RPL15: variants seen among roughly 807,000 people sequenced by gnomAD.
The protein encoded by RPL15 is ribosomal protein L15.
For synonymous variants in RPL15, 97 were observed against 95.1 expected (o/e 1.02, Z -0.12); for missense variants, 161 against 271.8 (o/e 0.59, Z 2.87).
rs187233990 is a variant in RPL15, at chr3:23,920,026, C to T, written c.*525C>T. ...AAGGTGAAAGCTCCTGGTTCAGTGC[C>T]ATGGCTTCATGGCATTCAGTGATTA... On this transcript the variant is annotated 3_prime_UTR_variant, in exon 4 of 4. Coordinates refer to ENST00000307839, the MANE Select transcript of RPL15 (RefSeq NM_002948.5). The T allele has an allele frequency of 1.0e-6, 1 of 986,270 alleles. No individual in the cohort carries two copies. The highest frequency in any genetic ancestry group is 1.1e-4 in the East Asian group (1 of 8,814). 61.1% of individuals were successfully genotyped at this position (986,270 alleles called of 1,614,324 possible).
rs1704971233 is a variant in RPL15, at chr3:23,919,804, C to A, written c.*303C>A. On this transcript the variant is annotated 3_prime_UTR_variant, in exon 4 of 4. Transcript: ENST00000307839. ...TAAAAGGAGAGAACTGAAACTAGCC[C>A]TGTAGATTTGTCTGGTGCATGTGAT... 3 of 1,071,248 alleles carry A rather than the reference C, an allele frequency of 2.8e-6. No homozygotes were observed. Among genetic ancestry groups the A allele is most frequent in the Non-Finnish European group, 3.4e-6 (3 of 885,384 alleles). 66.4% of individuals were successfully genotyped at this position (1,071,248 alleles called of 1,614,324 possible).
downstream of RPL15, among the ~76,000 whole-genome samples, chr3:23,921,427 C>T (rs972376539): frequency 3.3e-5 from 5 of 152,188 alleles, no homozygotes; most frequent in African/African-American, 1.2e-4. Context: ...CAAACACTTC[C>T]TAATGCCTTT....
At chr3:23,918,694 G>C in intron 3 of RPL15, 118 bp downstream of exon 3, 1 of 1,258,834 alleles carries the variant, frequency 7.9e-7, no homozygotes, top group Admixed American at 2.5e-5. Context: ...AACAGGGTTT[G>C]TGATTTTTAC....
At position 23,920,316 on chromosome 3, in the gene RPL15, A is replaced by G. The variant is rs1225484280; in HGVS notation, c.*815A>G. On this transcript the variant is annotated 3_prime_UTR_variant, in exon 4 of 4. Coordinates refer to ENST00000307839, the MANE Select transcript of RPL15 (RefSeq NM_002948.5). ...CGTCATTCTTAGTCCAGTCAGTCTT[A>G]AAAACATCTTGGGTTACCCACTCTG... The G allele has an allele frequency of 5.1e-6, 5 of 985,396 alleles. No individual in the cohort carries two copies. Among genetic ancestry groups the G allele is most frequent in the South Asian group, 9.4e-5 (2 of 21,288 alleles). The allele number at this position is 985,396 out of a possible 1,614,324, so 61.0% of individuals were successfully genotyped here.
Position 23,918,431 on chromosome 3 carries a change from T to G in RPL15, c.173-9T>G. The G allele has an allele frequency of 6.2e-7, 1 of 1,611,254 alleles. No homozygotes were observed. The highest frequency in any genetic ancestry group is 1.1e-5 in the South Asian group (1 of 90,810). ...TAAAATCACTAATTTCGTGTGTGTTTGTGTGTAGGTTACGTTATATATAGG... is the reference window on the plus strand; with the variant it reads ...TAAAATCACTAATTTCGTGTGTGTTGGTGTGTAGGTTACGTTATATATAGG... On this transcript the variant is annotated splice_polypyrimidine_tract_variant and intron_variant, in intron 2 of 3. Transcript: ENST00000307839.
downstream of RPL15, chr3:23,921,510 C>G: frequency 1.5e-6 from 1 of 673,160 alleles, no homozygotes. Flanking sequence ...ACAAGCTGTT[C>G]CCATTTGCTT....
rs1704740567 is a variant in RPL15 at position 23,917,858 on chromosome 3, A to G, written c.-2A>G. ...ACAGTTTGATTTCACAGGTAAGCCAAGATGGGTGCATACAAGTACATCCAG... is the reference window on the plus strand; with the variant it reads ...ACAGTTTGATTTCACAGGTAAGCCAGGATGGGTGCATACAAGTACATCCAG... On this transcript the variant is annotated 5_prime_UTR_variant, in exon 2 of 4. Transcript: ENST00000307839. 1 of 1,608,036 alleles carries G rather than the reference A, an allele frequency of 6.2e-7. No homozygotes were observed. Among genetic ancestry groups the G allele is most frequent in the Non-Finnish European group, 8.5e-7 (1 of 1,178,106 alleles).
In RPL15 at chr3:23,919,261, C is replaced by T; in HGVS notation, c.375C>T (p.Ser125=). The change falls in exon 4 of 4, where the codon TCC becomes TCT. Residue 125 remains serine (S), a synonymous_variant. Transcript: ENST00000307839. ...ATTCTTACTGGGTTGGTGAAGATTC[C>T]ACATACAAATTTTTTGAGGTTATCC... ...VLNSYWVGED[S]TYKFFEVILI... is the part of the protein sequence containing the mutation. The T allele has an allele frequency of 6.2e-7, 1 of 1,612,860 alleles. No homozygotes were observed. The highest frequency in any genetic ancestry group is 8.5e-7 in the Non-Finnish European group (1 of 1,179,784).
At position 23,919,925 on chromosome 3, in the gene RPL15, G is replaced by C. The variant is rs1022071974; in HGVS notation, c.*424G>C. Reference sequence around the variant, plus strand: ...AGTTTGGCAGGTGTAGACTTTTTAAGTTGGGCTTTAGAAAATCTGGGTTAG... The same window carrying C: ...AGTTTGGCAGGTGTAGACTTTTTAACTTGGGCTTTAGAAAATCTGGGTTAG... On this transcript the variant is annotated 3_prime_UTR_variant, in exon 4 of 4. Coordinates refer to ENST00000307839, the MANE Select transcript of RPL15 (RefSeq NM_002948.5). 24 of 989,736 alleles carry C rather than the reference G, an allele frequency of 2.4e-5. No individual in the cohort carries two copies. The highest frequency in any genetic ancestry group is 2.5e-5 in the Non-Finnish European group (21 of 832,688). The allele number at this position is 989,736 out of a possible 1,614,324, so 61.3% of individuals were successfully genotyped here.
At position 23,918,002 on chromosome 3, in the gene RPL15, C is replaced by T; in HGVS notation, c.143C>T (p.Ala48Val). 2 of 1,610,448 alleles carry T rather than the reference C, an allele frequency of 1.2e-6. No individual in the cohort carries two copies. The highest frequency in any genetic ancestry group is 1.1e-5 in the South Asian group (1 of 90,714). Residue 48 changes from alanine (A) to valine (V), a missense_variant, in exon 2 of 4, where the codon GCG becomes GTG. Ala to Val is a moderately conservative substitution (Grantham distance 64). Coordinates refer to ENST00000307839, the MANE Select transcript of RPL15 (RefSeq NM_002948.5). The part of the protein sequence containing the change: ...RAPRPTRPDK[A>V]RRLGYKAKQG... ...CCCCGCCCCACCCGGCCTGATAAAG[C>T]GCGCCGACTGGGCTACAAGGCCAAG...
At chr3:23,919,148 C>G (rs1287806093) in intron 3 of RPL15, 48 bp from the exon 4 acceptor site, 1 of 1,316,274 alleles carries the variant, frequency 7.6e-7, no homozygotes, top group East Asian at 2.3e-5. Context: ...TGACTTGCTG[C>G]TATAGGCAAT....
intron 1 of RPL15, chr3:23,917,618 C>T (rs970882400): frequency 1.5e-5 from 7 of 464,180 alleles, no homozygotes; most frequent in African/African-American, 1.4e-4. Context: ...TCTGTTAATT[C>T]GCCCCACCAA....
chr3:23,919,003 A>G (rs1030614505), intron 3 of RPL15, 193 bp from the exon 4 acceptor site: 1 of 602,432 alleles, frequency 1.7e-6, no homozygotes, highest in Admixed American at 3.0e-5. Context: ...GTTTCAGTCT[A>G]TGTGTGTTGT....
chr3:23,918,467 G>A lies in RPL15; in HGVS notation c.200G>A (p.Arg67His). 1.2e-6 allele frequency: 2 copies of A among 1,613,010 alleles called. No individual in the cohort carries two copies. The highest frequency in any genetic ancestry group is 1.7e-6 in the Non-Finnish European group (2 of 1,179,836). The change falls in exon 3 of 4, where the codon CGC (arginine) becomes CAC (histidine). Residue 67 changes from arginine to histidine, a missense_variant. Coordinates refer to ENST00000307839, the MANE Select transcript of RPL15 (RefSeq NM_002948.5). The part of the protein sequence containing the change: ...QGYVIYRIRV[R>H]RGGRKRPVPK... ...TACGTTATATATAGGATTCGTGTTC[G>A]CCGTGGTGGCCGAAAACGCCCAGTT...
chr3:23,918,857 A>G (rs1322340892), intron 3 of RPL15: 1 of 504,730 alleles, frequency 2.0e-6, no homozygotes, highest in Non-Finnish European at 3.5e-6. Flanking sequence ...TATATACTAA[A>G]TATTTTTAAA....
In RPL15 at chr3:23,919,801, G is replaced by C; in HGVS notation, c.*300G>C. ...CTTTAAAAGGAGAGAACTGAAACTAGCCCTGTAGATTTGTCTGGTGCATGT... is the reference window on the plus strand; with the variant it reads ...CTTTAAAAGGAGAGAACTGAAACTACCCCTGTAGATTTGTCTGGTGCATGT... On this transcript the variant is annotated 3_prime_UTR_variant, in exon 4 of 4. Coordinates refer to ENST00000307839, the MANE Select transcript of RPL15 (RefSeq NM_002948.5). 1.9e-6 allele frequency: 2 copies of C among 1,077,774 alleles called. No homozygotes were observed. The highest frequency in any genetic ancestry group is 2.2e-6 in the Non-Finnish European group (2 of 889,458). The allele number at this position is 1,077,774 out of a possible 1,614,324, so 66.8% of individuals were successfully genotyped here. A position where few individuals can be genotyped will look rare whatever the true frequency, so the allele number is the denominator to read the frequency against.
rs35608037 is a variant in RPL15, at chr3:23,918,510, C to T, written c.243C>T (p.Tyr81=). ...GCCCAGTTCCTAAGGGTGCAACTTACGGCAAGCCTGTCCATCATGGTGTTA... is the reference window on the plus strand; with the variant it reads ...GCCCAGTTCCTAAGGGTGCAACTTATGGCAAGCCTGTCCATCATGGTGTTA... ...RKRPVPKGAT[Y]GKPVHHGVNQ... The change falls in exon 3 of 4, where the codon TAC becomes TAT. Residue 81 remains tyrosine, a synonymous_variant. Transcript: ENST00000307839. 2,715 of 1,613,892 alleles carry T rather than the reference C, an allele frequency of 1.7e-3. 32 individuals are homozygous for T. In the African/African-American group the frequency reaches 0.03, roughly 18 times the overall value.
At chr3:23,919,033 C>G (rs1016148228) in intron 3 of RPL15, 163 bp from the exon 4 acceptor site, 4 of 616,122 alleles carry the variant, frequency 6.5e-6, no homozygotes, top group Middle Eastern at 2.7e-4. Context: ...TCTACATTAT[C>G]TCATTACACT....
chr3:23,917,800 C>T (rs1369864568), intron 1 of RPL15, 50 bp from the exon 2 acceptor site: 3 of 1,521,206 alleles, frequency 2.0e-6, no homozygotes, highest in Non-Finnish European at 2.7e-6. Context: ...ATACAGTCGT[C>T]TTATTGTACT....
Sources: gnomAD v4.1 joint callset for allele counts (sites outside exome capture counted in the v4.1 genomes callset) on GRCh38, gnomAD v4.1.1 for gene constraint, MANE v1.5 for transcripts, NCBI Gene and HGNC (gene_info 2026-07-23, HGNC 2026-07-21) for gene names.